Variants in YLPM1 observed in about 807,000 individuals in gnomAD.
YLPM1 encodes YLP motif-containing protein 1.
Under a neutral mutation model 230.0 loss-of-function variants are expected in YLPM1, and 99 were observed. The ratio of observed to expected loss-of-function variants is 0.43; its 90% CI spans 0.37 to 0.51. The LOEUF (loss-of-function observed/expected upper bound fraction) is 0.51, where lower values mean the gene tolerates loss of function less well. Ranked by LOEUF, YLPM1 falls within the 20% of genes least tolerant of loss-of-function variation. The pLI is 0.00. For synonymous variants in YLPM1, 984 were observed against 942.5 expected, an observed-to-expected ratio of 1.04 and a Z score of -0.81; for missense variants, 2,592 against 2,707.7, an observed-to-expected ratio of 0.96 and a Z score of 0.95.
intron 4 of YLPM1, among the ~76,000 whole-genome samples, chr14:74,797,336 G>A (rs977854175): frequency 6.6e-6 from 1 of 151,808 alleles, no homozygotes; most frequent in African/African-American, 2.4e-5. Context: ...CTTGCGGCAG[G>A]AGATGTGTTG....
rs2091416227 is a variant in YLPM1 at position 74,809,753 on chromosome 14, A to C, written c.4895A>C (p.Lys1632Thr). The part of the protein sequence containing the change: ...PVPMGMPPMS[K>T]PPPVQQTVDY... ...CCTATGGGTATGCCACCAATGTCCA[A>C]GCCACCACCAGTACAACAGACTGTT... The change falls in exon 7 of 21, where the codon AAG becomes ACG. Residue 1632 changes from lysine (K) to threonine (T), a missense_variant. Around this residue, in one of 4 missense-constraint regions of YLPM1, gnomAD observed 403 missense variants for 426.7 expected, o/e 0.94. Transcript: ENST00000325680. The C allele has an allele frequency of 2.5e-6, 4 of 1,614,018 alleles. No individual in the cohort carries two copies. The highest frequency in any genetic ancestry group is 2.5e-6 in the Non-Finnish European group (3 of 1,179,896).
rs191059059 is a variant in YLPM1, at chr14:74,798,188, G to T, written c.2891G>T (p.Gly964Val). The T allele has an allele frequency of 6.2e-7, 1 of 1,613,920 alleles. No individual in the cohort carries two copies. Among genetic ancestry groups the T allele is most frequent in the Admixed American group, 1.7e-5 (1 of 60,022 alleles). Residue 964 changes from glycine (G) to valine (V), a missense_variant, in exon 5 of 21, where the codon GGG becomes GTG. Gly to Val is a moderately radical substitution (Grantham distance 109). Around this residue, in one of 4 missense-constraint regions of YLPM1, gnomAD observed 1,862 missense variants for 1,819.8 expected, o/e 1.02. Coordinates refer to ENST00000325680, the MANE Select transcript of YLPM1 (RefSeq NM_019589.3). ...TCTACTTTTCCTTCAAAAACAGGGG[G>T]GATGGAGGGAGGAACAGCAGTAGCA... ...AQSTFPSKTG[G>V]MEGGTAVATS...
At chr14:74,790,482 A>G (rs1470453771) in intron 4 of YLPM1, among the ~76,000 whole-genome samples, 1 of 152,200 alleles carries the variant, frequency 6.6e-6, no homozygotes, top group Non-Finnish European at 1.5e-5. Flanking sequence ...TACCTTCTTT[A>G]AAAGTATTTG....
At chr14:74,824,692 A>C (rs1375498840) in intron 18 of YLPM1, among the ~76,000 whole-genome samples, 1 of 152,046 alleles carries the variant, frequency 6.6e-6, no homozygotes, top group Non-Finnish European at 1.5e-5. Flanking sequence ...TAATAAAAAT[A>C]ATATAAAGTT....
chr14:74,826,942 A>T (rs963962438), intron 18 of YLPM1, among the ~76,000 whole-genome samples: 6 of 152,236 alleles, frequency 3.9e-5, no homozygotes, highest in African/African-American at 1.2e-4. Context: ...GTTTCTTCAT[A>T]TAAAGTACTT....
intron 9 of YLPM1, 131 bp from the exon 10 acceptor site, chr14:74,811,483 CAAAAAA>C (rs879185728): frequency 2.5e-6 from 1 of 407,358 alleles, no homozygotes; most frequent in African/African-American, 2.2e-5. Context: ...ACCCCAATCT[CAAAAAA>C]AAAAAGTAAA....
chr14:74,785,161 T>C (rs1309116453), intron 4 of YLPM1, among the ~76,000 whole-genome samples: 2 of 152,198 alleles, frequency 1.3e-5, no homozygotes, highest in African/African-American at 4.8e-5. Context: ...TGGTTTTTTG[T>C]TTTTGTTTTT....
intron 11 of YLPM1, among the ~76,000 whole-genome samples, chr14:74,813,402 T>A (rs2091451829): frequency 6.6e-6 from 1 of 152,202 alleles, no homozygotes; most frequent in South Asian, 2.1e-4. Flanking sequence ...TCTCCTGTAG[T>A]ATGCCTATGG....
intron 18 of YLPM1, among the ~76,000 whole-genome samples, chr14:74,826,068 G>A (rs1300729654): frequency 1.3e-5 from 2 of 152,288 alleles, no homozygotes; most frequent in East Asian, 3.9e-4. Context: ...AACCATTTCA[G>A]TGAAAGGCAC....
intron 1 of YLPM1, among the ~76,000 whole-genome samples, chr14:74,767,969 A>G (rs2090929606): frequency 6.6e-6 from 1 of 152,108 alleles, no homozygotes; most frequent in South Asian, 2.1e-4. Context: ...AAAGCTTTCT[A>G]TCAATCTTGC....
intron 19 of YLPM1, among the ~76,000 whole-genome samples, chr14:74,833,952 G>T (rs1194650369): frequency 6.6e-6 from 1 of 152,182 alleles, no homozygotes. Flanking sequence ...ATTCTCTGCA[G>T]TCTTTGATAC....
intron 4 of YLPM1, among the ~76,000 whole-genome samples, chr14:74,790,645 A>G (rs1211937796): frequency 6.6e-6 from 1 of 152,218 alleles, no homozygotes; most frequent in Non-Finnish European, 1.5e-5. Flanking sequence ...CTTTCTAAAT[A>G]CTTAAAACCA....
At position 74,809,618 on chromosome 14, in the gene YLPM1, A is replaced by G; in HGVS notation, c.4760A>G (p.Asp1587Gly). The G allele has an allele frequency of 6.2e-7, 1 of 1,614,020 alleles. No individual in the cohort carries two copies. Among genetic ancestry groups the G allele is most frequent in the Non-Finnish European group, 8.5e-7 (1 of 1,179,892 alleles). Residue 1587 changes from aspartate to glycine, a missense_variant, in exon 7 of 21, where the codon GAT (aspartate) becomes GGT (glycine). By Grantham distance (94) the Asp-to-Gly change is moderately conservative. This residue lies in a region of YLPM1 where 403 missense variants were observed against 426.7 expected (regional missense o/e 0.94). Transcript: ENST00000325680. ...TTCTATGGGCTCTGGGATACAAATGATGAACAAGGACTGAATTCAGAATTT... is the reference window on the plus strand; with the variant it reads ...TTCTATGGGCTCTGGGATACAAATGGTGAACAAGGACTGAATTCAGAATTT... ...DSFYGLWDTNDEQGLNSEFKS... is the reference protein window; with the variant it reads ...DSFYGLWDTNGEQGLNSEFKS...
chr14:74,835,167 A>G, intron 19 of YLPM1, 98 bp from the exon 20 acceptor site: 2 of 1,454,056 alleles, frequency 1.4e-6, no homozygotes, highest in Non-Finnish European at 1.8e-6. Flanking sequence ...TTGCGGTTTC[A>G]AATGAGTCAT....
rs1334322004 is a variant in YLPM1, at chr14:74,798,403, C to G, written c.3106C>G (p.Leu1036Val). 6.2e-7 allele frequency: 1 copy of G among 1,613,936 alleles called. No homozygotes were observed. The highest frequency in any genetic ancestry group is 2.2e-5 in the East Asian group (1 of 44,880). The change falls in exon 5 of 21, where the codon CTA becomes GTA. Residue 1036 changes from leucine to valine, a missense_variant. Leu to Val is a conservative substitution (Grantham distance 32). Around this residue, in one of 4 missense-constraint regions of YLPM1, gnomAD observed 1,862 missense variants for 1,819.8 expected, o/e 1.02. Coordinates refer to ENST00000325680, the MANE Select transcript of YLPM1 (RefSeq NM_019589.3). ...SRMEDTRDKG[L>V]VNRGRGQAIS... ...AATGGAAGACACACGGGATAAAGGT[C>G]TAGTAAACAGAGGTCGCGGCCAGGC...
chr14:74,803,230 C>T (rs563922018), intron 6 of YLPM1, among the ~76,000 whole-genome samples: 2 of 152,234 alleles, frequency 1.3e-5, no homozygotes, highest in East Asian at 3.9e-4. Flanking sequence ...CAGAACTGTT[C>T]AGGCAGTATG....
intron 1 of YLPM1, among the ~76,000 whole-genome samples, chr14:74,774,786 A>T (rs8022553): frequency 6.6e-6 from 1 of 151,814 alleles, no homozygotes; most frequent in African/African-American, 2.4e-5. Flanking sequence ...TTAGGTGATC[A>T]GCCCACCTTG....
intron 1 of YLPM1, among the ~76,000 whole-genome samples, chr14:74,773,917 C>T (rs1006708922): frequency 6.6e-6 from 1 of 151,892 alleles, no homozygotes; most frequent in African/African-American, 2.4e-5. Context: ...GGCGAGGTTT[C>T]ACCGTGTTGG....
chr14:74,774,580 A>G (rs1446606692), intron 1 of YLPM1, among the ~76,000 whole-genome samples: 2 of 151,838 alleles, frequency 1.3e-5, no homozygotes, highest in South Asian at 2.1e-4. Context: ...TAATTTTTTT[A>G]TATTTTTAGG....
Sources: gnomAD v4.1 joint callset for allele counts (sites outside exome capture counted in the v4.1 genomes callset) on GRCh38, gnomAD v4.1.1 for gene constraint, gnomAD v4.1.1 regional missense constraint, MANE v1.5 for transcripts, NCBI Gene and HGNC (gene_info 2026-07-23, HGNC 2026-07-21) for gene names.